The following TEC variants were observed in gnomAD, a reference collection of about 807,000 sequenced individuals.
TEC encodes tyrosine-protein kinase Tec.
TEC carries 72 observed loss-of-function variants against 93.0 expected under a neutral mutation model. The ratio of observed to expected loss-of-function variants is 0.77; its 90% CI spans 0.64 to 0.94. The LOEUF (loss-of-function observed/expected upper bound fraction) is 0.94, where lower values mean the gene tolerates loss of function less well. TEC is among the 40% of genes least tolerant of loss of function. The pLI, the probability that TEC is intolerant of heterozygous loss-of-function variation, is 0.00. For synonymous variants in TEC, 249 were observed against 247.7 expected, an observed-to-expected ratio of 1.01 and a Z score of -0.05; for missense variants, 630 against 757.9, an observed-to-expected ratio of 0.83 and a Z score of 1.98.
At chr4:48,142,164 G>A (rs112530843) in intron 14 of TEC, among the ~76,000 whole-genome samples, 99 of 152,282 alleles carry the variant, frequency 6.5e-4, no homozygotes, top group African/African-American at 2.2e-3. Context: ...TCAGTGATTG[G>A]TCATCTCATC....
chr4:48,264,831 G>T (rs1440511905), intron 1 of TEC, among the ~76,000 whole-genome samples: 2 of 152,068 alleles, frequency 1.3e-5, no homozygotes, highest in Non-Finnish European at 2.9e-5. Context: ...AGAGACGAGG[G>T]TTTCACCATG....
At position 48,136,831 on chromosome 4, in the gene TEC, T is replaced by A. The variant is rs1374279729; in HGVS notation, c.*585A>T. 1 of 151,790 alleles carries A rather than the reference T, an allele frequency of 6.6e-6. No homozygotes were observed. The highest frequency in any genetic ancestry group is 6.6e-5 in the Admixed American group (1 of 15,240). 9.4% of individuals were successfully genotyped at this position (151,790 alleles called of 1,614,324 possible). On this transcript the variant is annotated 3_prime_UTR_variant, in exon 18 of 18. Coordinates refer to ENST00000381501, the MANE Select transcript of TEC (RefSeq NM_003215.3). ...TCTCATAAATATATAACTTTATATA[T>A]TATATATATTTACAATATATACAGC...
At chr4:48,187,654 C>T (rs1721936758) in intron 2 of TEC, among the ~76,000 whole-genome samples, 1 of 152,124 alleles carries the variant, frequency 6.6e-6, no homozygotes, top group African/African-American at 2.4e-5. Flanking sequence ...TCCTTTGTGG[C>T]CCCAGAGCTA....
chr4:48,254,176 TATG>T (rs1289187915), intron 1 of TEC, among the ~76,000 whole-genome samples: 4 of 152,182 alleles, frequency 2.6e-5, no homozygotes, highest in African/African-American at 9.7e-5. Context: ...TGGTTGTATC[TATG>T]AATGCAGAGA....
At chr4:48,167,647 A>G in intron 7 of TEC, 131 bp downstream of exon 7, 1 of 787,312 alleles carries the variant, frequency 1.3e-6, no homozygotes, top group Admixed American at 2.4e-5. Context: ...CTACCAAGTA[A>G]TAAGGTGTGC....
intron 13 of TEC, 46 bp downstream of exon 13, chr4:48,145,362 A>C (rs746210978): frequency 3.7e-6 from 6 of 1,612,084 alleles, no homozygotes; most frequent in Non-Finnish European, 5.1e-6. Context: ...GTAAGGGGCC[A>C]CTTCTTAATA....
At chr4:48,181,429 C>T (rs1459881388) in intron 2 of TEC, among the ~76,000 whole-genome samples, 1 of 152,070 alleles carries the variant, frequency 6.6e-6, no homozygotes, top group Non-Finnish European at 1.5e-5. Flanking sequence ...AATCCCAGCA[C>T]TTTGAGAGGC....
intron 2 of TEC, among the ~76,000 whole-genome samples, chr4:48,199,619 A>G (rs1722431411): frequency 6.6e-6 from 1 of 150,590 alleles, no homozygotes; most frequent in African/African-American, 2.4e-5. Context: ...GGCACGCACC[A>G]CCACACCTGT....
chr4:48,138,844 C>G, intron 16 of TEC, 22 bp from the exon 17 acceptor site: 1 of 1,613,380 alleles, frequency 6.2e-7, no homozygotes, highest in Non-Finnish European at 8.5e-7. Context: ...TAAGGATTAC[C>G]AAATGGATGT....
chr4:48,153,935 G>T (rs1720288576), intron 9 of TEC, among the ~76,000 whole-genome samples: 2 of 152,222 alleles, frequency 1.3e-5, no homozygotes, highest in African/African-American at 4.8e-5. Context: ...CCTTGTGGTG[G>T]TCAGTGGAAA....
intron 2 of TEC, among the ~76,000 whole-genome samples, chr4:48,215,025 T>C (rs1723026617): frequency 6.6e-6 from 1 of 151,236 alleles, no homozygotes; most frequent in Admixed American, 6.6e-5. Flanking sequence ...AGGTGGATCA[T>C]ACCTGTAATC....
chr4:48,255,925 C>T (rs1212220549), intron 1 of TEC, among the ~76,000 whole-genome samples: 1 of 152,172 alleles, frequency 6.6e-6, no homozygotes, highest in East Asian at 1.9e-4. Flanking sequence ...GATAAATCAG[C>T]CCTGGGTCAT....
At chr4:48,154,345 A>C (rs1720309579) in intron 9 of TEC, among the ~76,000 whole-genome samples, 1 of 152,208 alleles carries the variant, frequency 6.6e-6, no homozygotes, top group Non-Finnish European at 1.5e-5. Context: ...AGGTCATAAA[A>C]CTGCTGCTTC....
rs116134303 is a variant in TEC at position 48,170,075 on chromosome 4, G to A, written c.454+173C>T. Among the ~76,000 whole-genome samples, 850 of 152,226 alleles carry A rather than the reference G, an allele frequency of 5.6e-3. 2 individuals are homozygous for A. The highest frequency in any genetic ancestry group is 0.014 in the Middle Eastern group (4 of 294). On this transcript the variant is annotated intron_variant, in intron 5 of 17. Transcript: ENST00000381501. ...CCCAAAATAGACCTTCTGATTCCAC[G>A]AGAAGGTCTCACTGTAACTAAATAT...
intron 2 of TEC, among the ~76,000 whole-genome samples, chr4:48,218,114 C>T (rs1368528102): frequency 6.6e-6 from 1 of 151,948 alleles, no homozygotes; most frequent in Non-Finnish European, 1.5e-5. Context: ...AATAAAAACA[C>T]AGATATGAAT....
chr4:48,175,697 C>T (rs1366022491), intron 3 of TEC, among the ~76,000 whole-genome samples: 2 of 152,150 alleles, frequency 1.3e-5, no homozygotes, highest in African/African-American at 2.4e-5. Flanking sequence ...GAGATATTTA[C>T]CTCCCTTATG....
chr4:48,248,605 T>A (rs1724121854), intron 1 of TEC, among the ~76,000 whole-genome samples: 1 of 152,184 alleles, frequency 6.6e-6, no homozygotes. Flanking sequence ...AATTTTAGGT[T>A]TTCTGGTTTG....
chr4:48,158,026 C>T lies in TEC; in HGVS notation c.738-1292G>A, dbSNP rs77852485. ...GATCCTTACTTGTTGGCAAAGAATT[C>T]TCCACCACAGTCATATACCCTGAGA... On this transcript the variant is annotated intron_variant, in intron 8 of 17. Coordinates refer to ENST00000381501, the MANE Select transcript of TEC (RefSeq NM_003215.3). 2.8e-3 allele frequency among the ~76,000 whole-genome samples: 433 copies of T among 152,304 alleles called. 4 individuals are homozygous for T. The highest frequency in any genetic ancestry group is 0.01 in the African/African-American group (418 of 41,566).
chr4:48,148,794 A>G (rs1720026277), intron 11 of TEC, among the ~76,000 whole-genome samples: 1 of 152,150 alleles, frequency 6.6e-6, no homozygotes. Flanking sequence ...AGTACCCATT[A>G]GTTGTTTTTC....
Sources: gnomAD v4.1 joint callset for allele counts (sites outside exome capture counted in the v4.1 genomes callset) on GRCh38, gnomAD v4.1.1 for gene constraint, MANE v1.5 for transcripts, NCBI Gene and HGNC (gene_info 2026-07-23, HGNC 2026-07-21) for gene names.